Variants in CYB5A observed in about 807,000 individuals in gnomAD.
CYB5A encodes the protein cytochrome b5.
CYB5A carries 10 observed loss-of-function variants against 16.2 expected under a neutral mutation model. The observed-to-expected ratio is 0.62, with a 90% CI of 0.38 to 1.04. CYB5A has a LOEUF of 1.04. Ranked by LOEUF, CYB5A falls within the 50% of genes least tolerant of loss-of-function variation. CYB5A has a pLI of 0.01. For missense variants in CYB5A, 161 were observed against 165.9 expected (o/e 0.97, Z 0.16); for synonymous variants, 62 against 57.0 (o/e 1.09, Z -0.40).
chr18:74,260,916 G>A lies in CYB5A; in HGVS notation c.287C>T (p.Pro96Leu), dbSNP rs924432705. 5.0e-6 allele frequency: 8 copies of A among 1,611,616 alleles called. No homozygotes were observed. The highest frequency in any genetic ancestry group is 2.2e-5 in the South Asian group (2 of 91,028). Reference protein sequence around the residue: ...PDDRPKLNKPPETLITTIDSS... With the variant: ...PDDRPKLNKPLETLITTIDSS... ...GATACTTGAGATGGTCACACTTACC[G>A]GAGGCTTGTTTAACTTTGGTCTGTC... Residue 96 changes from proline (P) to leucine (L), a missense_variant and splice_region_variant, in exon 3 of 5, where the codon CCG becomes CTG. By Grantham distance (98) the Pro-to-Leu change is moderately conservative (BLOSUM62 -3). Transcript: ENST00000340533.
At chr18:74,274,482 T>C (rs1300359674) in intron 1 of CYB5A, among the ~76,000 whole-genome samples, 1 of 152,192 alleles carries the variant, frequency 6.6e-6, no homozygotes, top group Non-Finnish European at 1.5e-5. Flanking sequence ...AAATTCTTAG[T>C]GTGAAGGCAA....
At position 74,263,406 on chromosome 18, in the gene CYB5A, C is replaced by A; in HGVS notation, c.201G>T (p.Gly67=). 6.2e-7 allele frequency: 1 copy of A among 1,614,086 alleles called. No homozygotes were observed. Among genetic ancestry groups the A allele is most frequent in the South Asian group, 1.1e-5 (1 of 91,076 alleles). ...ACATTTCCCTGGCATCTGTAGAGTG[C>A]CCGACATCCTCAAAGTTCTCAGTAG... The part of the protein sequence containing the change: ...GDATENFEDV[G]HSTDAREMSK... Residue 67 remains glycine, a synonymous_variant, in exon 2 of 5, where the codon GGG becomes GGT. Transcript: ENST00000340533.
chr18:74,279,927 G>C (rs1983027311), intron 1 of CYB5A, among the ~76,000 whole-genome samples: 1 of 152,200 alleles, frequency 6.6e-6, no homozygotes, highest in African/African-American at 2.4e-5. Context: ...AAGAGAAAAA[G>C]TCCTGCATTC....
intron 1 of CYB5A, among the ~76,000 whole-genome samples, chr18:74,276,463 C>T (rs35748255): frequency 6.6e-6 from 1 of 151,548 alleles, no homozygotes; most frequent in Admixed American, 6.6e-5. Flanking sequence ...TCACAGACTT[C>T]TAAACCTCAA....
At chr18:74,280,005 T>A (rs1983030836) in intron 1 of CYB5A, among the ~76,000 whole-genome samples, 1 of 152,172 alleles carries the variant, frequency 6.6e-6, no homozygotes, top group Non-Finnish European at 1.5e-5. Flanking sequence ...CATTATACCG[T>A]ATGTTACAAG....
intron 1 of CYB5A, 61 bp from the exon 2 acceptor site, chr18:74,263,538 G>A (rs1052328688): frequency 2.3e-4 from 344 of 1,484,080 alleles, no homozygotes; most frequent in Middle Eastern, 3.4e-4. Flanking sequence ...AAGAGAAAAC[G>A]GCCAGAATTT....
At chr18:74,253,817 G>T in intron 4 of CYB5A, 152 bp from the exon 5 acceptor site, 1 of 654,188 alleles carries the variant, frequency 1.5e-6, no homozygotes, top group Non-Finnish European at 2.9e-6. Context: ...TGCTAAAAGT[G>T]ACATGAGTGT....
In CYB5A at chr18:74,289,256, T is replaced by C. The variant is rs12232578; in HGVS notation, c.129+2491A>G. Among the ~76,000 whole-genome samples, 2,351 of 152,336 alleles carry C rather than the reference T, an allele frequency of 0.015. 114 individuals are homozygous for C. The East Asian group carries it at 0.18, about 12-fold the overall frequency. ...GCTTGCTCTCATCTCTCAGTTTTTCTCGGAAAATTTTTTGCACAATCCCTC... is the reference window on the plus strand; with the variant it reads ...GCTTGCTCTCATCTCTCAGTTTTTCCCGGAAAATTTTTTGCACAATCCCTC... On this transcript the variant is annotated intron_variant, in intron 1 of 4. Transcript: ENST00000340533.
chr18:74,261,650 C>A (rs1242236697), intron 2 of CYB5A: 1 of 152,566 alleles, frequency 6.6e-6, no homozygotes, highest in Non-Finnish European at 1.5e-5. Context: ...CTCCTACCAC[C>A]AAAAACAAAA....
chr18:74,253,702 G>C lies in CYB5A; in HGVS notation c.324-37C>G, dbSNP rs1209836184. On this transcript the variant is annotated intron_variant, in intron 4 of 4. Coordinates refer to ENST00000340533, the MANE Select transcript of CYB5A (RefSeq NM_148923.4). ...CAAAAAGCAATGATGCTGACATGAT[G>C]TGCACTGTGGTGGACTCAAAATCTT... 4 of 1,377,154 alleles carry C rather than the reference G, an allele frequency of 2.9e-6. No individual in the cohort carries two copies. In the Admixed American group the frequency reaches 6.7e-5, roughly 23 times the overall value. 85.3% of individuals were successfully genotyped at this position (1,377,154 alleles called of 1,614,324 possible). A position where few individuals can be genotyped will look rare whatever the true frequency, so the allele number is the denominator to read the frequency against.
In CYB5A at chr18:74,253,287, C is replaced by T. The variant is rs1981832921; in HGVS notation, c.*297G>A. 1 of 354,428 alleles carries T rather than the reference C, an allele frequency of 2.8e-6. No individual in the cohort carries two copies. Among genetic ancestry groups the T allele is most frequent in the South Asian group, 2.3e-5 (1 of 44,036 alleles). The allele number at this position is 354,428 out of a possible 1,614,324, so 22.0% of individuals were successfully genotyped here. On this transcript the variant is annotated 3_prime_UTR_variant, in exon 5 of 5. Coordinates refer to ENST00000340533, the MANE Select transcript of CYB5A (RefSeq NM_148923.4). ...GACAATTATACACCAAACAGGCAAA[C>T]ACGGTGCATACTTTAAAAGCCAAAT...
chr18:74,251,819 G>C lies in CYB5A; in HGVS notation c.*1765C>G, dbSNP rs1205022114. 1 of 152,208 alleles carries C rather than the reference G, an allele frequency of 6.6e-6. No homozygotes were observed. Among genetic ancestry groups the C allele is most frequent in the African/African-American group, 2.4e-5 (1 of 41,448 alleles). 9.4% of individuals were successfully genotyped at this position (152,208 alleles called of 1,614,324 possible). A position where few individuals can be genotyped will look rare whatever the true frequency, so the allele number is the denominator to read the frequency against. On this transcript the variant is annotated 3_prime_UTR_variant, in exon 5 of 5. Transcript: ENST00000340533. The stretch of plus-strand genomic sequence containing the variant: ...GCCAGCCACAGCAGCAAATTGCTGA[G>C]TCACTGATAAAAATGTCAAAGTTCA...
intron 1 of CYB5A, among the ~76,000 whole-genome samples, chr18:74,271,124 C>T (rs779394527): frequency 6.6e-6 from 1 of 152,208 alleles, no homozygotes; most frequent in Non-Finnish European, 1.5e-5. Context: ...TTGTACTTAA[C>T]TGCTGTCTGA....
chr18:74,258,599 AC>A (rs1365001634), intron 3 of CYB5A: 1 of 152,222 alleles, frequency 6.6e-6, no homozygotes, highest in East Asian at 1.9e-4. Context: ...TTATACAGAC[AC>A]ATGACAAAAG....
At chr18:74,273,733 G>A (rs1730141206) in intron 1 of CYB5A, among the ~76,000 whole-genome samples, 1 of 152,204 alleles carries the variant, frequency 6.6e-6, no homozygotes. Flanking sequence ...TCTTCCTGCA[G>A]GAGAGATGCC....
chr18:74,279,895 A>C (rs557800805), intron 1 of CYB5A, among the ~76,000 whole-genome samples: 3 of 152,358 alleles, frequency 2.0e-5, no homozygotes, highest in African/African-American at 7.2e-5. Flanking sequence ...TTGTTCTAAA[A>C]ACTGGATTTA....
intron 1 of CYB5A, among the ~76,000 whole-genome samples, chr18:74,276,006 C>A (rs942978395): frequency 6.6e-6 from 1 of 152,128 alleles, no homozygotes; most frequent in African/African-American, 2.4e-5. Flanking sequence ...ATTTCTCCCC[C>A]TCGACCCAAC....
chr18:74,266,746 C>T, intron 1 of CYB5A, among the ~76,000 whole-genome samples: 1 of 46,734 alleles, frequency 2.1e-5, no homozygotes, highest in African/African-American at 6.1e-5. Context: ...GGGCAATTTT[C>T]TAACAAAAAA....
intron 3 of CYB5A, 194 bp from the exon 4 acceptor site, chr18:74,255,969 A>T (rs1981962146): frequency 3.4e-6 from 2 of 579,992 alleles, no homozygotes; most frequent in Non-Finnish European, 6.1e-6. Context: ...AAACATTTTA[A>T]TCATTATATT....
Sources: gnomAD v4.1 joint callset for allele counts (sites outside exome capture counted in the v4.1 genomes callset) on GRCh38, gnomAD v4.1.1 for gene constraint, MANE v1.5 for transcripts, NCBI Gene and HGNC (gene_info 2026-07-23, HGNC 2026-07-21) for gene names.